SPAM1: variants seen among roughly 807,000 people sequenced by gnomAD.
SPAM1 encodes hyaluronidase PH-20.
SPAM1 carries 22 observed loss-of-function variants against 29.6 expected under a neutral mutation model. That is an observed-to-expected ratio of 0.74 (90% CI 0.53 to 1.06). The LOEUF (loss-of-function observed/expected upper bound fraction) is 1.06, where lower values mean the gene tolerates loss of function less well. Ranked by LOEUF, SPAM1 falls within the 50% of genes least tolerant of loss-of-function variation. SPAM1 has a pLI of 0.00. For missense variants in SPAM1, 534 were observed against 604.0 expected, an observed-to-expected ratio of 0.88 and a Z score of 1.21; for synonymous variants, 194 against 204.6, an observed-to-expected ratio of 0.95 and a Z score of 0.44.
At chr7:123,943,832 A>G (rs1466161880) in intron 1 of SPAM1, among the ~76,000 whole-genome samples, 1 of 152,186 alleles carries the variant, frequency 6.6e-6, no homozygotes. Context: ...AGAAACCTTT[A>G]TCTTTGAGAG....
intron 1 of SPAM1, among the ~76,000 whole-genome samples, chr7:123,937,163 G>A (rs546641173): frequency 6.6e-6 from 1 of 152,218 alleles, no homozygotes; most frequent in African/African-American, 2.4e-5. Context: ...CTCCCAAAAT[G>A]TCAAAAGGAA....
chr7:123,966,358 G>A (rs1224435257), intron 5 of SPAM1, among the ~76,000 whole-genome samples: 3 of 152,052 alleles, frequency 2.0e-5, no homozygotes, highest in East Asian at 3.9e-4. Context: ...GAAAGACAAT[G>A]TGGCTATTCC....
intron 1 of SPAM1, among the ~76,000 whole-genome samples, chr7:123,940,604 A>G (rs969744291): frequency 6.6e-6 from 1 of 151,816 alleles, no homozygotes; most frequent in Non-Finnish European, 1.5e-5. Context: ...TTCTCCAACC[A>G]TAACCTCCCC....
chr7:123,971,257 T>C (rs1292571875), exon 7 of SPAM1: 2 of 152,176 alleles, frequency 1.3e-5, no homozygotes, highest in Non-Finnish European at 2.9e-5. Context: ...CTTATTTTAT[T>C]GCATTGGATC....
intron 1 of SPAM1, among the ~76,000 whole-genome samples, chr7:123,945,131 G>A (rs6948011): frequency 0.27 from 40,939 of 151,826 alleles, 5,804 homozygotes; most frequent in East Asian, 0.42. Flanking sequence ...TCTTTTGCAT[G>A]TAAAATTATT....
At chr7:123,937,465 G>A (rs1055080462) in intron 1 of SPAM1, among the ~76,000 whole-genome samples, 2 of 151,956 alleles carry the variant, frequency 1.3e-5, no homozygotes, top group South Asian at 2.1e-4. Flanking sequence ...GCCGGGCATG[G>A]TGGCGGGCGC....
chr7:123,956,709 T>C (rs904417739), intron 4 of SPAM1, among the ~76,000 whole-genome samples: 6 of 152,066 alleles, frequency 3.9e-5, no homozygotes, highest in Admixed American at 6.6e-5. Flanking sequence ...CATTTTACCA[T>C]GATCCATGCT....
chr7:123,927,042 T>C (rs186990043), intron 1 of SPAM1, among the ~76,000 whole-genome samples: 361 of 152,230 alleles, frequency 2.4e-3, no homozygotes, highest in African/African-American at 8.3e-3. Context: ...GGCAAGGAAA[T>C]AGATCTTGGG....
At chr7:123,950,979 C>A (rs557862801) in intron 2 of SPAM1, among the ~76,000 whole-genome samples, 10 of 152,170 alleles carry the variant, frequency 6.6e-5, no homozygotes, top group Admixed American at 6.5e-4. Context: ...TATCTCATTG[C>A]AGTTTAGACT....
intron 1 of SPAM1, among the ~76,000 whole-genome samples, chr7:123,938,179 T>C (rs1338859672): frequency 1.3e-5 from 2 of 151,832 alleles, no homozygotes; most frequent in East Asian, 1.9e-4. Flanking sequence ...ATGGGCACAG[T>C]GCAGTCTCAA....
At chr7:123,966,348 G>A (rs1450461003) in intron 5 of SPAM1, among the ~76,000 whole-genome samples, 4 of 152,080 alleles carry the variant, frequency 2.6e-5, no homozygotes, top group East Asian at 1.9e-4. Context: ...CAACCACTGC[G>A]AAAGACAATG....
intron 5 of SPAM1, among the ~76,000 whole-genome samples, chr7:123,967,195 C>G (rs1210469824): frequency 5.9e-5 from 9 of 151,880 alleles, no homozygotes. Flanking sequence ...GTCCTTGAAG[C>G]CTTTTTGTTT....
intron 1 of SPAM1, among the ~76,000 whole-genome samples, chr7:123,940,482 T>C (rs1049040150): frequency 1.3e-5 from 2 of 151,566 alleles, no homozygotes; most frequent in African/African-American, 4.8e-5. Flanking sequence ...TGACTTACCA[T>C]GCTTTTTTTT....
At chr7:123,945,318 TGAA>T (rs1808544203) in intron 1 of SPAM1, among the ~76,000 whole-genome samples, 1 of 152,018 alleles carries the variant, frequency 6.6e-6, no homozygotes, top group Non-Finnish European at 1.5e-5. Context: ...GGAAAGGCAA[TGAA>T]GAAGATTCTT....
At chr7:123,946,391 A>T (rs1296933173) in intron 1 of SPAM1, among the ~76,000 whole-genome samples, 1 of 152,158 alleles carries the variant, frequency 6.6e-6, no homozygotes, top group African/African-American at 2.4e-5. Flanking sequence ...CCAGTTGGAG[A>T]TCTGTCAAAG....
intron 1 of SPAM1, among the ~76,000 whole-genome samples, chr7:123,945,966 C>T (rs1053834123): frequency 6.6e-6 from 1 of 152,112 alleles, no homozygotes; most frequent in South Asian, 2.1e-4. Context: ...AAAACCCCAA[C>T]AGTATGATTA....
chr7:123,944,065 C>T (rs951826650), intron 1 of SPAM1, among the ~76,000 whole-genome samples: 68 of 152,100 alleles, frequency 4.5e-4, no homozygotes, highest in Non-Finnish European at 1.9e-4. Context: ...CTTGCTTCAG[C>T]GTGCCTTCAA....
chr7:123,957,679 A>C (rs1471245545), intron 4 of SPAM1, among the ~76,000 whole-genome samples: 1 of 152,050 alleles, frequency 6.6e-6, no homozygotes, highest in Non-Finnish European at 1.5e-5. Context: ...AATAAAATCA[A>C]AGTGACAGCA....
At chr7:123,950,584 G>A (rs1456779577) in intron 2 of SPAM1, among the ~76,000 whole-genome samples, 1 of 152,024 alleles carries the variant, frequency 6.6e-6, no homozygotes, top group Admixed American at 6.6e-5. Context: ...GCTTCAAAGG[G>A]CATGATTTTA....
Sources: allele counts gnomAD v4.1 joint callset (sites outside exome capture counted in the v4.1 genomes callset), GRCh38; gene constraint gnomAD v4.1.1; transcripts MANE v1.5; gene names NCBI Gene and HGNC (gene_info 2026-07-23, HGNC 2026-07-21).